CIC: variants seen among roughly 807,000 people sequenced by gnomAD.
The protein encoded by CIC is protein capicua homolog.
CIC carries 18 observed loss-of-function variants against 115.7 expected under a neutral mutation model. That is an observed-to-expected ratio of 0.16 (90% CI 0.11 to 0.23). The LOEUF (loss-of-function observed/expected upper bound fraction) is 0.23, where lower values mean the gene tolerates loss of function less well. Among genes scored for constraint, CIC ranks in the 10% least tolerant of loss-of-function variants. The probability of loss-of-function intolerance (pLI) is 1.00; values close to 1 mark genes in which losing one functional copy is unlikely to be tolerated. For missense variants in CIC, 2,000 were observed against 2,159.3 expected (o/e 0.93, Z 1.46); for synonymous variants, 1,076 against 923.0 (o/e 1.17, Z -3.01).
intron 2 of CIC, chr19:42,284,726 C>T (rs781617630): frequency 2.6e-6 from 4 of 1,555,868 alleles, no homozygotes; most frequent in South Asian, 1.2e-5. Flanking sequence ...CCACAGGCCC[C>T]TGATGCCCGC....
chr19:42,279,017 C>T (rs1419170964), intron 2 of CIC, among the ~76,000 whole-genome samples: 1 of 152,142 alleles, frequency 6.6e-6, no homozygotes, highest in Non-Finnish European at 1.5e-5. Context: ...CCAGGTCATC[C>T]TACCTCCCCC....
In CIC at chr19:42,292,423, G is replaced by A. The variant is rs1400316881; in HGVS notation, c.5859G>A (p.Ser1953=). ...GCTCTGTAGCTCTAGGCTTCACCTCGCTGGGGCCCAGCGGCCCCGCCTTCG... is the reference window on the plus strand; with the variant it reads ...GCTCTGTAGCTCTAGGCTTCACCTCACTGGGGCCCAGCGGCCCCGCCTTCG... ...PTSSVALGFT[S]LGPSGPAFVQ... is the part of the protein sequence containing the mutation. The change falls in exon 14 of 21, where the codon TCG becomes TCA. Residue 1953 remains serine (S), a synonymous_variant. Coordinates refer to ENST00000681038, the MANE Select transcript of CIC (RefSeq NM_001386298.1). 35 of 1,611,156 alleles carry A rather than the reference G, an allele frequency of 2.2e-5. No individual in the cohort carries two copies. The highest frequency in any genetic ancestry group is 2.8e-5 in the Non-Finnish European group (33 of 1,178,760).
rs567320155 is a variant in CIC, at chr19:42,288,773, C to T, written c.3659-115C>T. ...GGTTTTTTTTTTTCACCAAGTGGCC[C>T]AGAAATTCCAGCCTGCTTCTGCCTA... On this transcript the variant is annotated intron_variant, in intron 7 of 20. Transcript: ENST00000681038. The T allele has an allele frequency of 7.0e-5, 66 of 942,716 alleles. 1 individual carries two copies. In the South Asian group the frequency reaches 9.0e-4, roughly 13 times the overall value. 58.4% of individuals were successfully genotyped at this position (942,716 alleles called of 1,614,324 possible). A position where few individuals can be genotyped will look rare whatever the true frequency, so the allele number is the denominator to read the frequency against.
chr19:42,288,785 C>A, intron 7 of CIC, 103 bp from the exon 8 acceptor site: 2 of 1,055,240 alleles, frequency 1.9e-6, no homozygotes, highest in Non-Finnish European at 2.9e-6. Context: ...GAAATTCCAG[C>A]CTGCTTCTGC....
Position 42,291,072 on chromosome 19 carries a change from G to A in CIC, c.5031G>A (p.Pro1677=), listed in dbSNP as rs759169138. ...TCACTAACCTACTGGTGGGCACCCCGGGGTATGGGGCCCCTGCGCCCCCTG... is the reference window on the plus strand; with the variant it reads ...TCACTAACCTACTGGTGGGCACCCCAGGGTATGGGGCCCCTGCGCCCCCTG... ...ATVTNLLVGT[P]GYGAPAPPAV... Residue 1677 remains proline (P), a synonymous_variant, in exon 11 of 21, where the codon CCG becomes CCA. Transcript: ENST00000681038. The A allele has an allele frequency of 1.5e-5, 25 of 1,613,872 alleles. No homozygotes were observed. Among genetic ancestry groups the A allele is most frequent in the South Asian group, 6.6e-5 (6 of 91,082 alleles).
chr19:42,292,437 G>T lies in CIC; in HGVS notation c.5873G>T (p.Gly1958Val). Residue 1958 changes from glycine (G) to valine (V), a missense_variant, in exon 14 of 21, where the codon GGC becomes GTC. Gly to Val is a moderately radical substitution (Grantham distance 109). This residue lies in a region of CIC where 1,466 missense variants were observed against 1,390.4 expected (regional missense o/e 1.05). Transcript: ENST00000681038. ...GGCTTCACCTCGCTGGGGCCCAGCG[G>T]CCCCGCCTTCGTGCAGCCCCTGCTC... ...ALGFTSLGPS[G>V]PAFVQPLLSA... 2.5e-6 allele frequency: 4 copies of T among 1,611,188 alleles called. No homozygotes were observed. Among genetic ancestry groups the T allele is most frequent in the Non-Finnish European group, 3.4e-6 (4 of 1,178,706 alleles).
In CIC at chr19:42,295,143, G is replaced by GGGGGCGCC; in HGVS notation, c.7506_7507insGGGGCGCC (p.Pro2503GlyfsTer29). On this transcript the variant is annotated frameshift_variant, in exon 21 of 21. Coordinates refer to ENST00000681038, the MANE Select transcript of CIC (RefSeq NM_001386298.1). LOFTEE classifies it high-confidence loss of function. Reference sequence around the variant, plus strand: ...AGCCTGGCTGGGAGGGGGCTCCCCAGCCCTCCCCCCCACCCCCAGGTCCCT... The same window carrying GGGGGCGCC: ...AGCCTGGCTGGGAGGGGGCTCCCCAGGGGGCGCCCCCTCCCCCCCACCCCCAGGTCCCT... 3 of 1,382,714 alleles carry GGGGGCGCC rather than the reference G, an allele frequency of 2.2e-6. No homozygotes were observed. The highest frequency in any genetic ancestry group is 2.9e-6 in the Non-Finnish European group (3 of 1,037,804). 85.7% of individuals were successfully genotyped at this position (1,382,714 alleles called of 1,614,324 possible).
At chr19:42,276,461 C>T (rs765669884) in intron 2 of CIC, among the ~76,000 whole-genome samples, 23 of 152,090 alleles carry the variant, frequency 1.5e-4, no homozygotes, top group Non-Finnish European at 2.9e-4. Flanking sequence ...GGGTAGGAGC[C>T]GCTGTGGCTT....
At chr19:42,278,179 G>C (rs573147449) in intron 2 of CIC, among the ~76,000 whole-genome samples, 21 of 152,356 alleles carry the variant, frequency 1.4e-4, no homozygotes, top group African/African-American at 4.6e-4. Context: ...CCAGCCAGCT[G>C]CCGTTGCCAC....
At chr19:42,291,972 C>T (rs2038154189) in intron 12 of CIC, 114 bp from the exon 13 acceptor site, 10 of 1,508,790 alleles carry the variant, frequency 6.6e-6, no homozygotes, top group Non-Finnish European at 9.2e-6. Flanking sequence ...CCTGTTCTCA[C>T]CCCAAGTTCT....
chr19:42,287,744 T>TTGGCTCCTCCCAGCTTCTTC lies in CIC; in HGVS notation c.3492+21_3492+40dup, dbSNP rs750378809. ...GCCTTCCAGGTAACGCTGTTGCCTC[T>TTGGCTCCTCCCAGCTTCTTC]TGGCTCCTCCCAGCTTCTTCTGGTG... On this transcript the variant is annotated intron_variant, in intron 6 of 20. Transcript: ENST00000681038. This position sits in a 1 kb window ranked among gnomAD's most constrained non-coding sequence, Gnocchi z 8.7. The TTGGCTCCTCCCAGCTTCTTC allele has an allele frequency of 3.7e-6, 6 of 1,614,156 alleles. No individual in the cohort carries two copies. Among genetic ancestry groups the TTGGCTCCTCCCAGCTTCTTC allele is most frequent in the Non-Finnish European group, 5.1e-6 (6 of 1,180,012 alleles).
At chr19:42,281,348 G>A (rs1242069248) in intron 2 of CIC, among the ~76,000 whole-genome samples, 1 of 152,190 alleles carries the variant, frequency 6.6e-6, no homozygotes, top group Admixed American at 6.5e-5. Context: ...CTGGCTGCTC[G>A]CCCCAGGCCT....
chr19:42,281,729 C>T (rs922010739), intron 2 of CIC, among the ~76,000 whole-genome samples: 1 of 152,224 alleles, frequency 6.6e-6, no homozygotes, highest in African/African-American at 2.4e-5. Flanking sequence ...GCCCGGATTC[C>T]CGCCCCTCCC....
chr19:42,269,056 C>T (rs2036663322), upstream of CIC, among the ~76,000 whole-genome samples: 1 of 152,108 alleles, frequency 6.6e-6, no homozygotes, highest in Non-Finnish European at 1.5e-5. Context: ...GTGTCGGTCC[C>T]GGAGGGAGGC....
chr19:42,286,447 G>A (rs1259094808), intron 2 of CIC, among the ~76,000 whole-genome samples: 2 of 152,036 alleles, frequency 1.3e-5, no homozygotes, highest in East Asian at 1.9e-4. Context: ...TGGCAGCCAA[G>A]CATGACCTGG....
Position 42,287,500 on chromosome 19 carries a change from T to C in CIC, c.3310-45T>C, listed in dbSNP as rs2147192915. On this transcript the variant is annotated intron_variant, in intron 5 of 20. Coordinates refer to ENST00000681038, the MANE Select transcript of CIC (RefSeq NM_001386298.1). The surrounding 1 kb of genome is among the most constrained non-coding windows in gnomAD (Gnocchi z 8.7). Reference sequence around the variant, plus strand: ...CTCACCCCGTGGCCACCCACACCTGTCTGCCAGGTCCTAACTGTCCCGCTC... The same window carrying C: ...CTCACCCCGTGGCCACCCACACCTGCCTGCCAGGTCCTAACTGTCCCGCTC... 6.2e-7 allele frequency: 1 copy of C among 1,612,180 alleles called. No individual in the cohort carries two copies. The highest frequency in any genetic ancestry group is 8.5e-7 in the Non-Finnish European group (1 of 1,179,822).
Position 42,293,121 on chromosome 19 carries a change from C to T in CIC, c.6362C>T (p.Pro2121Leu). 6.2e-7 allele frequency: 1 copy of T among 1,608,848 alleles called. No individual in the cohort carries two copies. The highest frequency in any genetic ancestry group is 1.1e-5 in the South Asian group (1 of 90,646). ...PAPRQPLEPG[P>L]VREPTAPESE... ...CCCCGGCAGCCTCTGGAGCCTGGCCCAGTCCGAGAGCCAACTGCCCCAGAG... is the reference window on the plus strand; with the variant it reads ...CCCCGGCAGCCTCTGGAGCCTGGCCTAGTCCGAGAGCCAACTGCCCCAGAG... Residue 2121 changes from proline (P) to leucine (L), a missense_variant, in exon 16 of 21, where the codon CCA becomes CTA. Physicochemically the swap from Pro to Leu is moderately conservative, Grantham distance 98. Transcript: ENST00000681038.
rs116731962 is a variant in CIC, at chr19:42,294,766, C to T, written c.7186+31C>T. ...CCTGTCTCGGAGTCTTGGGGTCACT[C>T]GGGTGGGACTTATCTGTACATCTCA... On this transcript the variant is annotated intron_variant, in intron 20 of 20. Coordinates refer to ENST00000681038, the MANE Select transcript of CIC (RefSeq NM_001386298.1). 6,720 of 1,611,198 alleles carry T rather than the reference C, an allele frequency of 4.2e-3. 150 individuals carry two copies. In the African/African-American group the frequency reaches 0.058, roughly 14 times the overall value.
intron 15 of CIC, 30 bp downstream of exon 15, chr19:42,292,889 G>C (rs555173868): frequency 1.2e-6 from 2 of 1,613,808 alleles, no homozygotes; most frequent in South Asian, 2.2e-5. Context: ...AGAGCAGAGT[G>C]AGTTGGGGGA....
Sources: allele counts gnomAD v4.1 joint callset (sites outside exome capture counted in the v4.1 genomes callset), GRCh38; gene constraint gnomAD v4.1.1; regional missense constraint gnomAD v4.1.1; non-coding constraint Gnocchi (gnomAD v3.1); transcripts MANE v1.5; gene names NCBI Gene and HGNC (gene_info 2026-07-23, HGNC 2026-07-21).